IGF2R: variants seen among roughly 807,000 people sequenced by gnomAD.
The protein encoded by IGF2R is cation-independent mannose-6-phosphate receptor.
IGF2R carries 91 observed loss-of-function variants against 270.6 expected under a neutral mutation model. The observed-to-expected ratio is 0.34, with a 90% CI of 0.28 to 0.40. IGF2R has a LOEUF of 0.40. Among genes scored for constraint, IGF2R ranks in the 10% least tolerant of loss-of-function variants. IGF2R has a pLI of 1.00. For synonymous variants in IGF2R, 1,316 were observed against 1,258.9 expected (o/e 1.05, Z -0.96); for missense variants, 2,805 against 3,188.3 (o/e 0.88, Z 2.90).
At chr6:160,020,645 C>T (rs905905879) in intron 4 of IGF2R, among the ~76,000 whole-genome samples, 1 of 152,156 alleles carries the variant, frequency 6.6e-6, no homozygotes, top group Admixed American at 6.5e-5. Context: ...AAGCTGCATA[C>T]TTACAACCAA....
chr6:160,071,241 C>T (rs79847216), intron 31 of IGF2R, among the ~76,000 whole-genome samples: 1 of 67,524 alleles, frequency 1.5e-5, no homozygotes, highest in African/African-American at 6.7e-5. Context: ...GGGGGTGTGT[C>T]GAGGCCCCTG....
intron 1 of IGF2R, among the ~76,000 whole-genome samples, chr6:159,980,112 C>G (rs908755187): frequency 2.6e-5 from 4 of 151,608 alleles, no homozygotes; most frequent in African/African-American, 9.7e-5. Context: ...ACCCGGGAGG[C>G]GGAGCTTGCA....
chr6:160,024,818 C>T (rs983875795), intron 5 of IGF2R, 114 bp downstream of exon 5: 80 of 1,202,648 alleles, frequency 6.7e-5, no homozygotes, highest in Non-Finnish European at 8.2e-5. Flanking sequence ...CTGATTAGGC[C>T]CTCTAATAAA....
At chr6:160,015,575 G>A (rs1016454126) in intron 4 of IGF2R, among the ~76,000 whole-genome samples, 4 of 152,130 alleles carry the variant, frequency 2.6e-5, no homozygotes, top group East Asian at 1.9e-4. Flanking sequence ...GCAAAGATGC[G>A]GGTGCCCCTA....
At chr6:160,090,677 C>A (rs1779200999) in intron 44 of IGF2R, among the ~76,000 whole-genome samples, 1 of 152,200 alleles carries the variant, frequency 6.6e-6, no homozygotes, top group African/African-American at 2.4e-5. Context: ...TAACTATATA[C>A]CTTTCATAAT....
At chr6:160,027,632 G>A (rs370046051) in intron 6 of IGF2R, among the ~76,000 whole-genome samples, 18 of 152,208 alleles carry the variant, frequency 1.2e-4, no homozygotes, top group Non-Finnish European at 1.0e-4. Flanking sequence ...TGTGGCACCC[G>A]TGAAATTGAT....
intron 19 of IGF2R, among the ~76,000 whole-genome samples, chr6:160,051,098 G>A (rs189002854): frequency 2.6e-5 from 4 of 152,122 alleles, no homozygotes; most frequent in East Asian, 1.9e-4. Flanking sequence ...AAATTTTGAC[G>A]TGCATAGCAC....
At position 160,043,203 on chromosome 6, in the gene IGF2R, G is replaced by A; in HGVS notation, c.1536G>A (p.Lys512=). The change falls in exon 12 of 48, where the codon AAG becomes AAA. Residue 512 remains lysine (K), a synonymous_variant. Transcript: ENST00000356956. ...VDGSQTETEK[K]HFFINICHRV... is the part of the protein sequence containing the mutation. ...GCAGTCAGACGGAAACAGAGAAGAA[G>A]CATTTTTTCATTAATATTTGTCACA... The A allele has an allele frequency of 1.2e-6, 2 of 1,614,140 alleles. No individual in the cohort carries two copies. Among genetic ancestry groups the A allele is most frequent in the Non-Finnish European group, 1.7e-6 (2 of 1,180,000 alleles).
rs1777579316 is a variant in IGF2R, at chr6:160,027,174, A to G, written c.647-11A>G. The G allele has an allele frequency of 6.2e-7, 1 of 1,614,194 alleles. No individual in the cohort carries two copies. Among genetic ancestry groups the G allele is most frequent in the Middle Eastern group, 1.7e-4 (1 of 6,060 alleles). On this transcript the variant is annotated splice_polypyrimidine_tract_variant and intron_variant, in intron 5 of 47. Coordinates refer to ENST00000356956, the MANE Select transcript of IGF2R (RefSeq NM_000876.4). Reference sequence around the variant, plus strand: ...CACCTAATCTGATTTAATGTAATACATGATTTTCAGACACACTACGAGACC... The same window carrying G: ...CACCTAATCTGATTTAATGTAATACGTGATTTTCAGACACACTACGAGACC...
intron 8 of IGF2R, 78 bp downstream of exon 8, chr6:160,032,791 A>G: frequency 4.7e-6 from 7 of 1,502,426 alleles, no homozygotes; most frequent in South Asian, 3.7e-5. Flanking sequence ...GTAGGGGCCA[A>G]GTCAGTCCAT....
intron 7 of IGF2R, among the ~76,000 whole-genome samples, chr6:160,030,296 G>A (rs1562349399): frequency 6.6e-6 from 1 of 152,178 alleles, no homozygotes; most frequent in Non-Finnish European, 1.5e-5. Flanking sequence ...GGGTAGGGCA[G>A]GGCTTTCCTT....
At chr6:160,083,373 A>G (rs1455789535) in intron 39 of IGF2R, among the ~76,000 whole-genome samples, 1 of 152,230 alleles carries the variant, frequency 6.6e-6, no homozygotes, top group Non-Finnish European at 1.5e-5. Context: ...ACAAATGTAC[A>G]ATCGGGTTTT....
intron 26 of IGF2R, among the ~76,000 whole-genome samples, chr6:160,063,011 G>T (rs1344264001): frequency 8.0e-6 from 1 of 125,226 alleles, no homozygotes; most frequent in East Asian, 2.8e-4. Flanking sequence ...ATTTATAGCT[G>T]GTATTTACCT....
intron 19 of IGF2R, among the ~76,000 whole-genome samples, chr6:160,056,025 T>C (rs1778309495): frequency 1.3e-5 from 2 of 152,178 alleles, no homozygotes; most frequent in African/African-American, 2.4e-5. Context: ...TCCTGACCTC[T>C]GACAGCGCAG....
At chr6:160,065,672 C>T (rs1778555301) in intron 29 of IGF2R, among the ~76,000 whole-genome samples, 1 of 151,476 alleles carries the variant, frequency 6.6e-6, no homozygotes, top group Non-Finnish European at 1.5e-5. Flanking sequence ...GTTCACTTAG[C>T]AGTTCTCTTT....
chr6:160,055,186 G>A (rs1778285337), intron 19 of IGF2R, among the ~76,000 whole-genome samples: 1 of 152,128 alleles, frequency 6.6e-6, no homozygotes. Context: ...TGTTCCACGG[G>A]GAGATGCCTA....
intron 4 of IGF2R, among the ~76,000 whole-genome samples, chr6:160,012,771 TTTTTTTTG>T (rs1784357790): frequency 3.4e-5 from 4 of 118,740 alleles, no homozygotes; most frequent in African/African-American, 1.2e-4. Flanking sequence ...ATATTTTTTT[TTTTTTTTG>T]TTTGTTTGTT....
rs577093682 is a variant in IGF2R, at chr6:160,034,799, A to G, written c.1315+277A>G. 4.6e-5 allele frequency among the ~76,000 whole-genome samples: 7 copies of G among 152,294 alleles called. No individual in the cohort carries two copies. The South Asian group carries it at 1.5e-3, about 32-fold the overall frequency. ...GGCCCAGCAATGAGCTTGTTGGGAAAGTTTTCATCTTGAATTTTGGTGCAC... is the reference window on the plus strand; with the variant it reads ...GGCCCAGCAATGAGCTTGTTGGGAAGGTTTTCATCTTGAATTTTGGTGCAC... On this transcript the variant is annotated intron_variant, in intron 10 of 47. Transcript: ENST00000356956.
At chr6:160,073,599 A>G in intron 34 of IGF2R, 130 bp downstream of exon 34, 1 of 1,187,914 alleles carries the variant, frequency 8.4e-7, no homozygotes. Context: ...CCCCAATAAT[A>G]AAGTTGACTG....
Sources: allele counts gnomAD v4.1 joint callset (sites outside exome capture counted in the v4.1 genomes callset), GRCh38; gene constraint gnomAD v4.1.1; transcripts MANE v1.5; gene names NCBI Gene and HGNC (gene_info 2026-07-23, HGNC 2026-07-21).